The following ADPRHL1 variants were observed in gnomAD, a reference collection of about 807,000 sequenced individuals.
The protein encoded by ADPRHL1 is ADP-ribosylhydrolase like 1.
In ADPRHL1, 43 loss-of-function variants were observed where a neutral mutation model predicts 44.1. The observed-to-expected ratio is 0.98, with a 90% CI of 0.76 to 1.26. The LOEUF (loss-of-function observed/expected upper bound fraction) is 1.26. Among genes scored for constraint, ADPRHL1 ranks in the 50% most tolerant of loss-of-function variants. ADPRHL1 has a pLI of 0.00. For missense variants in ADPRHL1, 2,022 were observed against 2,496.9 expected (o/e 0.81, Z 4.05); for synonymous variants, 878 against 1,017.4 (o/e 0.86, Z 2.61).
rs1238657099 is a variant in ADPRHL1 at position 113,444,536 on chromosome 13, T to C, written c.268A>G (p.Ile90Val). The part of the protein sequence containing the change: ...YREMVRCYVE[I>V]VEKLPERRPD... ...CGGCGTTCTGGAAGCTTCTCAACGA[T>C]TTCCACATAGCATCTCACCATCTCC... Residue 90 changes from isoleucine to valine, a missense_variant, in exon 2 of 8, where the codon ATC (isoleucine) becomes GTC (valine). Transcript: ENST00000612156. 1.2e-6 allele frequency: 2 copies of C among 1,614,156 alleles called. No individual in the cohort carries two copies. Among genetic ancestry groups the C allele is most frequent in the South Asian group, 2.2e-5 (2 of 91,082 alleles).
chr13:113,418,034 C>A (rs576586703), intron 7 of ADPRHL1, among the ~76,000 whole-genome samples: 2 of 152,192 alleles, frequency 1.3e-5, no homozygotes, highest in Admixed American at 6.5e-5. Flanking sequence ...GTTATGCAAT[C>A]GCCAGGGTTT....
intron 5 of ADPRHL1, among the ~76,000 whole-genome samples, chr13:113,424,824 T>C (rs1208347084): frequency 2.9e-4 from 13 of 45,414 alleles, no homozygotes; most frequent in African/African-American, 1.0e-3. Context: ...ACCCATCCAT[T>C]CACCTGTCCA....
At chr13:113,429,484 C>T (rs1441608515) in intron 3 of ADPRHL1, among the ~76,000 whole-genome samples, 9 of 152,234 alleles carry the variant, frequency 5.9e-5, no homozygotes, top group Non-Finnish European at 1.2e-4. Flanking sequence ...CCGCGTGGCT[C>T]GCCACGGCTT....
intron 7 of ADPRHL1, among the ~76,000 whole-genome samples, chr13:113,411,377 A>G (rs183025692): frequency 6.6e-6 from 1 of 152,248 alleles, no homozygotes; most frequent in East Asian, 1.9e-4. Context: ...TGGTGGGGCC[A>G]TGTCAGTGGA....
chr13:113,437,289 C>T (rs538066591), intron 2 of ADPRHL1, among the ~76,000 whole-genome samples: 9 of 151,586 alleles, frequency 5.9e-5, no homozygotes, highest in African/African-American at 1.7e-4. Flanking sequence ...ACCCAGCACC[C>T]AGGCGCAGGG....
Position 113,404,786 on chromosome 13 carries a change from T to C in ADPRHL1, c.4496A>G (p.Gln1499Arg), listed in dbSNP as rs2043794348. Reference protein sequence around the residue: ...QKQVQEWDRGQVQGHAQEQAQ... With the variant: ...QKQVQEWDRGRVQGHAQEQAQ... ...CTGTTCTTGAGCGTGTCCCTGAACC[T>C]GTCCCCGGTCCCATTCCTGAACCTG... The change falls in exon 8 of 8, where the codon CAG becomes CGG. Residue 1499 changes from glutamine to arginine, a missense_variant. Physicochemically the swap from Gln to Arg is conservative, Grantham distance 43. Coordinates refer to ENST00000612156, the MANE Select transcript of ADPRHL1 (RefSeq NM_001394807.1). The C allele has an allele frequency of 8.0e-7, 1 of 1,257,164 alleles. No homozygotes were observed. Among genetic ancestry groups the C allele is most frequent in the Non-Finnish European group, 1.0e-6 (1 of 1,004,508 alleles). 77.9% of individuals were successfully genotyped at this position (1,257,164 alleles called of 1,614,324 possible).
intron 4 of ADPRHL1, among the ~76,000 whole-genome samples, chr13:113,428,748 C>A (rs2043984782): frequency 6.6e-6 from 1 of 152,260 alleles, no homozygotes; most frequent in Non-Finnish European, 1.5e-5. Flanking sequence ...GGAGGCAAAG[C>A]CTCCCAGGTC....
chr13:113,429,176 T>C (rs2043989661), intron 3 of ADPRHL1, 84 bp from the exon 4 acceptor site: 1 of 1,525,214 alleles, frequency 6.6e-7, no homozygotes, highest in Non-Finnish European at 8.9e-7. Context: ...TGCGTGGGAC[T>C]CCCGAGGAAG....
intron 7 of ADPRHL1, among the ~76,000 whole-genome samples, chr13:113,412,129 C>T (rs2043856553): frequency 1.3e-5 from 2 of 152,188 alleles, no homozygotes; most frequent in South Asian, 2.1e-4. Context: ...CCCAGCTCAG[C>T]GTGTGCTGCT....
In ADPRHL1 at chr13:113,415,750, CA is replaced by C. The variant is rs71214119; in HGVS notation, c.1061+7075del. 9.3e-3 allele frequency among the ~76,000 whole-genome samples: 587 copies of C among 63,016 alleles called. 3 individuals carry two copies. The highest frequency in any genetic ancestry group is 0.027 in the African/African-American group (454 of 16,658). The allele number at this position is 63,016 out of a possible 152,430, so 41.3% of individuals were successfully genotyped here. On this transcript the variant is annotated intron_variant, in intron 7 of 7. Coordinates refer to ENST00000612156, the MANE Select transcript of ADPRHL1 (RefSeq NM_001394807.1). ...TGGGTGACAGAGTGAGACTCCATCT[CA>C]AAAAAAAAAAAAAAAAAAAAGAGAG...
At chr13:113,411,259 G>A (rs1215155194) in intron 7 of ADPRHL1, among the ~76,000 whole-genome samples, 4 of 152,168 alleles carry the variant, frequency 2.6e-5, no homozygotes, top group African/African-American at 9.7e-5. Flanking sequence ...GGAGCTCCAG[G>A]CTGATTTCTA....
chr13:113,444,121 C>A (rs1399334428), intron 2 of ADPRHL1, among the ~76,000 whole-genome samples: 1 of 152,040 alleles, frequency 6.6e-6, no homozygotes, highest in Non-Finnish European at 1.5e-5. Flanking sequence ...GGCCCCTGCC[C>A]GTATTCCTTA....
chr13:113,442,697 G>A (rs1051528918), intron 2 of ADPRHL1, among the ~76,000 whole-genome samples: 2 of 152,094 alleles, frequency 1.3e-5, no homozygotes, highest in Non-Finnish European at 2.9e-5. Context: ...TGTTTCTTGT[G>A]CTTGGAATTG....
In ADPRHL1 at chr13:113,453,187, C is replaced by G. The variant is rs763504678; in HGVS notation, c.214+37G>C. 5.6e-6 allele frequency: 9 copies of G among 1,610,542 alleles called. No individual in the cohort carries two copies. Among genetic ancestry groups the G allele is most frequent in the Non-Finnish European group, 5.9e-6 (7 of 1,177,618 alleles). ...AGAACTCGAGCAGCCAGTGTTCCCT[C>G]CAGCCCGCACACCGGAGCGCGGTGG... is the stretch of plus-strand genomic sequence containing the variant. On this transcript the variant is annotated intron_variant, in intron 1 of 7. Coordinates refer to ENST00000612156, the MANE Select transcript of ADPRHL1 (RefSeq NM_001394807.1). This position sits in a 1 kb window ranked among gnomAD's most constrained non-coding sequence, Gnocchi z 5.4.
intron 7 of ADPRHL1, among the ~76,000 whole-genome samples, chr13:113,420,629 C>A (rs2139613444): frequency 1.3e-5 from 2 of 152,166 alleles, no homozygotes; most frequent in South Asian, 4.1e-4. Context: ...TGACGTGAGG[C>A]CCTTCGCCCC....
intron 7 of ADPRHL1, among the ~76,000 whole-genome samples, chr13:113,415,131 G>A (rs1252414575): frequency 6.6e-6 from 1 of 152,186 alleles, no homozygotes; most frequent in Non-Finnish European, 1.5e-5. Flanking sequence ...CGGTGGCAGA[G>A]TCCCTTCCAC....
intron 3 of ADPRHL1, among the ~76,000 whole-genome samples, chr13:113,431,735 A>C (rs529097276): frequency 6.6e-6 from 1 of 151,358 alleles, no homozygotes; most frequent in Admixed American, 6.6e-5. Flanking sequence ...TTTTTTTTTG[A>C]GATGGAGTCT....
At chr13:113,423,545 C>T (rs921130260) in intron 6 of ADPRHL1, among the ~76,000 whole-genome samples, 16 of 152,214 alleles carry the variant, frequency 1.1e-4, no homozygotes, top group African/African-American at 3.9e-4. Flanking sequence ...TGTGGTCAAG[C>T]TCAGCTCCAA....
Position 113,410,058 on chromosome 13 carries a change from T to C in ADPRHL1, c.1062-1838A>G, listed in dbSNP as rs1322986178. On this transcript the variant is annotated intron_variant, in intron 7 of 7. Coordinates refer to ENST00000612156, the MANE Select transcript of ADPRHL1 (RefSeq NM_001394807.1). ...GTTAAAAGCTGTTGCCAAGCAGCCC[T>C]GATGGAGGAGGTGACAGCGGCTGAC... 5.1e-6 allele frequency: 5 copies of C among 985,264 alleles called. No individual in the cohort carries two copies. The African/African-American group carries it at 8.7e-5, about 17-fold the overall frequency. The allele number at this position is 985,264 out of a possible 1,614,324, so 61.0% of individuals were successfully genotyped here.
Sources: allele counts gnomAD v4.1 joint callset (sites outside exome capture counted in the v4.1 genomes callset), GRCh38; gene constraint gnomAD v4.1.1; non-coding constraint Gnocchi (gnomAD v3.1); transcripts MANE v1.5; gene names NCBI Gene and HGNC (gene_info 2026-07-23, HGNC 2026-07-21).